ATG7: variants seen among roughly 807,000 people sequenced by gnomAD.
ATG7 encodes the protein autophagy related 7, also known as ubiquitin-like modifier-activating enzyme ATG7.
ATG7 carries 70 observed loss-of-function variants against 82.4 expected under a neutral mutation model. The ratio of observed to expected loss-of-function variants is 0.85; its 90% CI spans 0.70 to 1.04. The LOEUF (loss-of-function observed/expected upper bound fraction) is 1.04. Ranked by LOEUF, ATG7 falls within the 50% of genes least tolerant of loss-of-function variation. ATG7 has a pLI of 0.00. For missense variants in ATG7, 792 were observed against 864.3 expected, an observed-to-expected ratio of 0.92 and a Z score of 1.05; for synonymous variants, 287 against 313.0, an observed-to-expected ratio of 0.92 and a Z score of 0.88.
intron 1 of ATG7, among the ~76,000 whole-genome samples, chr3:11,275,732 A>G (rs149658665): frequency 7.9e-5 from 12 of 152,168 alleles, no homozygotes; most frequent in South Asian, 4.2e-4. Context: ...GGGACAATAA[A>G]TACTGGAGGT....
intron 20 of ATG7, among the ~76,000 whole-genome samples, chr3:11,483,077 A>C (rs556314568): frequency 6.6e-6 from 1 of 152,160 alleles, no homozygotes; most frequent in Non-Finnish European, 1.5e-5. Context: ...ATATGTAAGA[A>C]TGCAAAATTA....
intron 20 of ATG7, chr3:11,477,076 T>A (rs1379961974): frequency 7.8e-7 from 1 of 1,280,260 alleles, no homozygotes; most frequent in East Asian, 5.6e-5. Flanking sequence ...TAACTGGCAA[T>A]CAGTTATTGC....
chr3:11,376,679 T>G (rs915635652), intron 18 of ATG7, among the ~76,000 whole-genome samples: 3 of 152,206 alleles, frequency 2.0e-5, no homozygotes, highest in Non-Finnish European at 4.4e-5. Flanking sequence ...AAAGGTGGGT[T>G]GGGCCCAGAG....
At chr3:11,554,723 G>A in intron 20 of ATG7, 88 bp from the exon 21 acceptor site, 1 of 1,512,466 alleles carries the variant, frequency 6.6e-7, no homozygotes. Context: ...GGTGGGAGCT[G>A]CCATGACTGC....
chr3:11,389,658 G>A (rs964949890), intron 19 of ATG7, among the ~76,000 whole-genome samples: 1 of 152,108 alleles, frequency 6.6e-6, no homozygotes, highest in African/African-American at 2.4e-5. Flanking sequence ...GCAAATTAGA[G>A]GAGTCTTCTT....
chr3:11,511,294 G>A (rs1230304841), intron 20 of ATG7, among the ~76,000 whole-genome samples: 15 of 152,168 alleles, frequency 9.9e-5, no homozygotes, highest in East Asian at 3.9e-4. Flanking sequence ...TGATTGGTGC[G>A]TTTACAATCC....
At chr3:11,303,748 TC>T (rs1295177304) in intron 5 of ATG7, among the ~76,000 whole-genome samples, 1 of 151,042 alleles carries the variant, frequency 6.6e-6, no homozygotes, top group African/African-American at 2.4e-5. Flanking sequence ...TGGGTTTCTT[TC>T]CCTTGAGGAA....
chr3:11,377,765 A>G (rs938938727), intron 18 of ATG7, among the ~76,000 whole-genome samples: 2 of 151,996 alleles, frequency 1.3e-5, no homozygotes, highest in African/African-American at 4.8e-5. Context: ...TATAGAGGAG[A>G]CTCACTGTGA....
chr3:11,560,912 G>A (rs543659832), downstream of ATG7, among the ~76,000 whole-genome samples: 8 of 152,284 alleles, frequency 5.3e-5, no homozygotes, highest in African/African-American at 1.9e-4. Context: ...TGAGCAGACA[G>A]GCTCGGAAAG....
intron 14 of ATG7, 39 bp downstream of exon 14, chr3:11,348,074 A>C (rs1954839561): frequency 6.3e-7 from 1 of 1,577,382 alleles, no homozygotes; most frequent in Non-Finnish European, 8.6e-7. Flanking sequence ...TGTTATATGT[A>C]TAAATGTTTA....
At chr3:11,276,266 C>A (rs1941776951) in intron 1 of ATG7, among the ~76,000 whole-genome samples, 1 of 152,160 alleles carries the variant, frequency 6.6e-6, no homozygotes, top group Non-Finnish European at 1.5e-5. Context: ...TATCCTTTTG[C>A]CTTTTATTCT....
chr3:11,565,943 G>A, the ATG7 span, among the ~76,000 whole-genome samples: 24 of 152,210 alleles, frequency 1.6e-4, no homozygotes, highest in African/African-American at 5.1e-4. This position sits in a 1 kb window ranked among gnomAD's most constrained non-coding sequence, Gnocchi z 4.1. Flanking sequence ...CATATTATCC[G>A]CTGACAGAGT....
the ATG7 span, among the ~76,000 whole-genome samples, chr3:11,574,283 T>A: frequency 3.9e-5 from 6 of 152,182 alleles, no homozygotes; most frequent in African/African-American, 1.4e-4. Flanking sequence ...TTATCTATGA[T>A]CAACCTAAAA....
At chr3:11,331,538 A>G in intron 10 of ATG7, 110 bp downstream of exon 10, 1 of 976,994 alleles carries the variant, frequency 1.0e-6, no homozygotes, top group East Asian at 2.4e-5. Flanking sequence ...TTATTTTTTC[A>G]TTTTGGGCAT....
intron 20 of ATG7, among the ~76,000 whole-genome samples, chr3:11,445,257 G>A (rs1245990714): frequency 6.6e-6 from 1 of 152,154 alleles, no homozygotes. Context: ...GCACACAGAT[G>A]TTCACTGCAG....
intron 3 of ATG7, among the ~76,000 whole-genome samples, chr3:11,286,583 C>CTTTTT (rs5846700): frequency 4.6e-4 from 31 of 66,972 alleles, no homozygotes; most frequent in African/African-American, 1.0e-3. Flanking sequence ...TTCTTTCTTT[C>CTTTTT]TTTTTTTTTT....
At chr3:11,482,748 C>A (rs1423608024) in intron 20 of ATG7, among the ~76,000 whole-genome samples, 2 of 151,784 alleles carry the variant, frequency 1.3e-5, no homozygotes, top group African/African-American at 4.8e-5. Context: ...TAGTGCCAGG[C>A]TACTAATCCA....
intron 20 of ATG7, among the ~76,000 whole-genome samples, chr3:11,431,728 G>GA (rs1341472816): frequency 2.0e-5 from 3 of 152,150 alleles, no homozygotes; most frequent in African/African-American, 7.2e-5. Flanking sequence ...TTCATTTAAA[G>GA]AAAAAGTCTC....
At chr3:11,320,907 C>T (rs1950129962) in intron 9 of ATG7, among the ~76,000 whole-genome samples, 1 of 152,194 alleles carries the variant, frequency 6.6e-6, no homozygotes. Context: ...CTGGTTAAGG[C>T]CACGTATTTT....
Sources: allele counts gnomAD v4.1 joint callset (sites outside exome capture counted in the v4.1 genomes callset), GRCh38; gene constraint gnomAD v4.1.1; non-coding constraint Gnocchi (gnomAD v3.1); transcripts MANE v1.5; gene names NCBI Gene and HGNC (gene_info 2026-07-23, HGNC 2026-07-21).